Variants in LARP1B observed in about 807,000 individuals in gnomAD.
LARP1B encodes the protein La ribonucleoprotein 1B.
Under a neutral mutation model 114.2 loss-of-function variants are expected in LARP1B, and 76 were observed. The ratio of observed to expected loss-of-function variants is 0.67; its 90% CI spans 0.55 to 0.81. LARP1B has a LOEUF of 0.81. LARP1B is among the 30% of genes least tolerant of loss of function. LARP1B has a pLI of 0.00. For synonymous variants in LARP1B, 345 were observed against 348.0 expected, an observed-to-expected ratio of 0.99 and a Z score of 0.10; for missense variants, 1,014 against 1,075.8, an observed-to-expected ratio of 0.94 and a Z score of 0.80.
chr4:128,156,330 A>G (rs1323014803), intron 11 of LARP1B: 2 of 666,666 alleles, frequency 3.0e-6, no homozygotes, highest in Non-Finnish European at 5.3e-6. Flanking sequence ...CATCCCTCTA[A>G]TGAGACTAAC....
At chr4:128,176,299 ATATT>A (rs1232438387) in intron 12 of LARP1B, among the ~76,000 whole-genome samples, 5 of 143,696 alleles carry the variant, frequency 3.5e-5, no homozygotes, top group Admixed American at 1.4e-4. Context: ...ATATATATAT[ATATT>A]TTTTTTTTAG....
intron 11 of LARP1B, among the ~76,000 whole-genome samples, chr4:128,136,373 T>C (rs943781076): frequency 5.9e-5 from 9 of 151,796 alleles, no homozygotes; most frequent in African/African-American, 2.2e-4. Context: ...TACATATTAG[T>C]AGCAGATGGA....
chr4:128,096,072 C>T (rs996727821), intron 7 of LARP1B, among the ~76,000 whole-genome samples: 3 of 149,178 alleles, frequency 2.0e-5, no homozygotes, highest in Non-Finnish European at 3.0e-5. Context: ...CAGCTCACTG[C>T]AAGCTCCGCC....
chr4:128,084,095 C>T (rs1772208993), intron 5 of LARP1B, among the ~76,000 whole-genome samples: 1 of 152,008 alleles, frequency 6.6e-6, no homozygotes, highest in Non-Finnish European at 1.5e-5. Context: ...CTCCTCACTT[C>T]CTAGATGGGA....
chr4:128,130,612 T>C (rs1368897534), intron 11 of LARP1B, among the ~76,000 whole-genome samples: 1 of 152,236 alleles, frequency 6.6e-6, no homozygotes, highest in Non-Finnish European at 1.5e-5. Context: ...ACAGCTTCTT[T>C]GGAAGGTAGT....
chr4:128,153,941 A>G (rs1472392471), intron 11 of LARP1B, among the ~76,000 whole-genome samples: 1 of 152,164 alleles, frequency 6.6e-6, no homozygotes, highest in Non-Finnish European at 1.5e-5. Context: ...AACTTCTAAC[A>G]TGCAGTTTGT....
chr4:128,091,494 A>G lies in LARP1B; in HGVS notation c.650A>G (p.Glu217Gly), dbSNP rs1580197882. 1 of 1,604,606 alleles carries G rather than the reference A, an allele frequency of 6.2e-7. No individual in the cohort carries two copies. The highest frequency in any genetic ancestry group is 2.2e-5 in the East Asian group (1 of 44,752). The change falls in exon 7 of 20, where the codon GAG becomes GGG. Residue 217 changes from glutamate to glycine, a missense_variant. Transcript: ENST00000326639. Reference sequence around the variant, plus strand: ...CCTGTGGAAGAAGCATTGCTTAAAGAGTATATTAAGCGTCAAATGTAAGTG... The same window carrying G: ...CCTGTGGAAGAAGCATTGCTTAAAGGGTATATTAAGCGTCAAATGTAAGTG... ...VYPVEEALLKEYIKRQIEYYF... is the reference protein window; with the variant it reads ...VYPVEEALLKGYIKRQIEYYF...
chr4:128,206,465 G>A lies in LARP1B; in HGVS notation c.2347G>A (p.Gly783Arg). The A allele has an allele frequency of 6.2e-7, 1 of 1,612,354 alleles. No homozygotes were observed. Among genetic ancestry groups the A allele is most frequent in the Middle Eastern group, 1.7e-4 (1 of 6,050 alleles). ...ATGTCTGTTCAGGTTTTATAGTTATGGACTGGAAAAAAAATTCAGGCGAGA... is the reference window on the plus strand; with the variant it reads ...ATGTCTGTTCAGGTTTTATAGTTATAGACTGGAAAAAAAATTCAGGCGAGA... ...LECLFRFYSY[G>R]LEKKFRREIF... The change falls in exon 18 of 20, where the codon GGA becomes AGA. Residue 783 changes from glycine (G) to arginine (R), a missense_variant. Physicochemically the swap from Gly to Arg is moderately radical, Grantham distance 125. Transcript: ENST00000326639.
rs1427118733 is a variant in LARP1B at position 128,155,376 on chromosome 4, GC to G, written c.1525-6816del. 3 of 579,620 alleles carry G rather than the reference GC, an allele frequency of 5.2e-6. No homozygotes were observed. The African/African-American group carries it at 5.6e-5, about 11-fold the overall frequency. 35.9% of individuals were successfully genotyped at this position (579,620 alleles called of 1,614,324 possible). ...CAGCGGCCGTGGACCACGCGGAGCC[GC>G]CAGCCCGGGGCATGTTCTGAGACTT... On this transcript the variant is annotated intron_variant, in intron 11 of 19. Transcript: ENST00000326639.
In LARP1B at chr4:128,114,973, T is replaced by C. The variant is rs182262265; in HGVS notation, c.1161+231T>C. On this transcript the variant is annotated intron_variant, in intron 10 of 19. Coordinates refer to ENST00000326639, the MANE Select transcript of LARP1B (RefSeq NM_018078.4). ...TTTTTTTTGAGATGGAGTCTTGCCC[T>C]ATTGCCCAGGCTGGAGTGCAGTGGC... 1.2e-3 allele frequency among the ~76,000 whole-genome samples: 176 copies of C among 152,242 alleles called. 5 individuals carry two copies. In the East Asian group the frequency reaches 0.024, roughly 21 times the overall value.
intron 12 of LARP1B, among the ~76,000 whole-genome samples, chr4:128,164,421 TAAG>T (rs1185179940): frequency 1.3e-5 from 2 of 152,084 alleles, no homozygotes; most frequent in African/African-American, 4.8e-5. Context: ...AAGTCACAAA[TAAG>T]GAGATAAATT....
downstream of LARP1B, among the ~76,000 whole-genome samples, chr4:128,214,735 C>T (rs1346070741): frequency 2.0e-3 from 104 of 52,326 alleles, no homozygotes; most frequent in African/African-American, 7.8e-3. Context: ...ACGCAGAGCG[C>T]CTCTCCTCCT....
chr4:128,182,175 A>G lies in LARP1B; in HGVS notation c.2003+2663A>G, dbSNP rs192154724. On this transcript the variant is annotated intron_variant, in intron 15 of 19. Coordinates refer to ENST00000326639, the MANE Select transcript of LARP1B (RefSeq NM_018078.4). ...GTTGCACAGGCTGGAGTTCTGTGGC[A>G]CAATCATGGCCCACTGCAACCGTAA... 2.2e-4 allele frequency among the ~76,000 whole-genome samples: 30 copies of G among 136,396 alleles called. 1 individual carries two copies. In the East Asian group the frequency reaches 6.5e-3, roughly 30 times the overall value. The allele number at this position is 136,396 out of a possible 152,430, so 89.5% of individuals were successfully genotyped here. A position where few individuals can be genotyped will look rare whatever the true frequency, so the allele number is the denominator to read the frequency against.
chr4:128,123,726 T>C lies in LARP1B; in HGVS notation c.1524+1538T>C, dbSNP rs539816004. ...TGCATTAACCAAAGGAACCCAACCA[T>C]TGTGTATAATATTTGTTCTGTGGGA... On this transcript the variant is annotated intron_variant, in intron 11 of 19. Transcript: ENST00000326639. 36 of 974,382 alleles carry C rather than the reference T, an allele frequency of 3.7e-5. No homozygotes were observed. The South Asian group carries it at 1.5e-3, about 40-fold the overall frequency. 60.4% of individuals were successfully genotyped at this position (974,382 alleles called of 1,614,324 possible).
At chr4:128,103,828 C>T (rs1277919816) in intron 8 of LARP1B, among the ~76,000 whole-genome samples, 2 of 152,000 alleles carry the variant, frequency 1.3e-5, no homozygotes, top group African/African-American at 2.4e-5. Flanking sequence ...TCCCAAAGTG[C>T]TGGGATTACA....
At position 128,098,747 on chromosome 4, in the gene LARP1B, G is replaced by GTGTGTGTATATATATATATATATATA; in HGVS notation, c.813+418_813+419insGTGTGTATATATATATATATATATAT. ...AGCATGTGTTCCTGTATATGTATGTGTATATATATATATATATATATTTTT... is the reference window on the plus strand; with the variant it reads ...AGCATGTGTTCCTGTATATGTATGTGTGTGTGTATATATATATATATATATATATATATATATATATATATATTTTT... On this transcript the variant is annotated intron_variant, in intron 8 of 19. Coordinates refer to ENST00000326639, the MANE Select transcript of LARP1B (RefSeq NM_018078.4). Among the ~76,000 whole-genome samples, 29 of 15,582 alleles carry GTGTGTGTATATATATATATATATATA rather than the reference G, an allele frequency of 1.9e-3. 7 individuals carry two copies. The highest frequency in any genetic ancestry group is 3.2e-3 in the Non-Finnish European group (25 of 7,728). The allele number at this position is 15,582 out of a possible 152,430, so 10.2% of individuals were successfully genotyped here. A position where few individuals can be genotyped will look rare whatever the true frequency, so the allele number is the denominator to read the frequency against.
intron 15 of LARP1B, among the ~76,000 whole-genome samples, chr4:128,197,196 A>C (rs1406465662): frequency 6.6e-6 from 1 of 152,164 alleles, no homozygotes; most frequent in Non-Finnish European, 1.5e-5. Context: ...AAAATGATAT[A>C]TATTATGTTA....
At chr4:128,107,813 A>C (rs1782620216) in intron 9 of LARP1B, 3 of 1,531,658 alleles carry the variant, frequency 2.0e-6, no homozygotes, top group African/African-American at 2.8e-5. Flanking sequence ...TTTAATGTTA[A>C]TAATTTTTTC....
At chr4:128,071,579 G>A (rs886809214) in intron 1 of LARP1B, among the ~76,000 whole-genome samples, 1 of 151,598 alleles carries the variant, frequency 6.6e-6, no homozygotes, top group African/African-American at 2.4e-5. Flanking sequence ...CTACCACCAC[G>A]CCCAGTTAGT....
Sources: allele counts gnomAD v4.1 joint callset (sites outside exome capture counted in the v4.1 genomes callset), GRCh38; gene constraint gnomAD v4.1.1; transcripts MANE v1.5; gene names NCBI Gene and HGNC (gene_info 2026-07-23, HGNC 2026-07-21).